The following RNPS1 variants were observed in gnomAD, a reference collection of about 807,000 sequenced individuals.
RNPS1 encodes the protein RNA binding protein with serine rich domain 1, also known as RNA-binding protein with serine-rich domain 1.
For synonymous variants in RNPS1, 147 were observed against 150.0 expected (o/e 0.98, Z 0.15); for missense variants, 300 against 427.6 (o/e 0.70, Z 2.63).
chr16:2,264,939 C>T lies in RNPS1; in HGVS notation c.-117-179G>A, dbSNP rs60730612. The stretch of plus-strand genomic sequence containing the variant: ...TGTGCTCCTGGAGGCGTCTCTACCC[C>T]GCAGAGGAGGCACAGGTACAACTGT... On this transcript the variant is annotated intron_variant, in intron 1 of 7. Transcript: ENST00000320225. The T allele has an allele frequency of 9.0e-3, 3,073 of 343,178 alleles. 101 individuals are homozygous for T. Among genetic ancestry groups the T allele is most frequent in the African/African-American group, 0.06 (2,855 of 47,246 alleles). The allele number at this position is 343,178 out of a possible 1,614,324, so 21.3% of individuals were successfully genotyped here.
At chr16:2,264,373 C>T (rs917684274) in intron 2 of RNPS1, 42 bp from the exon 3 acceptor site, 6 of 1,612,970 alleles carry the variant, frequency 3.7e-6, no homozygotes, top group South Asian at 1.1e-5. Context: ...GCTCCTCTGA[C>T]CAAACCCAAA....
At chr16:2,263,333 C>T (rs765281069) in intron 3 of RNPS1, 46 bp from the exon 4 acceptor site, 1 of 1,594,026 alleles carries the variant, frequency 6.3e-7, no homozygotes, top group East Asian at 2.2e-5. Flanking sequence ...CCAAGTCTCA[C>T]AGTACAGACG....
chr16:2,259,883 C>T (rs912560036), intron 6 of RNPS1, among the ~76,000 whole-genome samples: 8 of 151,894 alleles, frequency 5.3e-5, no homozygotes, highest in South Asian at 2.1e-4. Flanking sequence ...AGCGAGACTC[C>T]GTCTCAAAAA....
chr16:2,263,921 G>T, intron 3 of RNPS1: 1 of 349,090 alleles, frequency 2.9e-6, no homozygotes, highest in Non-Finnish European at 5.1e-6. Flanking sequence ...GTAGAGACGA[G>T]CTCTTGTTTT....
In RNPS1 at chr16:2,254,035, C is replaced by T. The variant is rs537965620; in HGVS notation, c.847G>A (p.Val283Met). The change falls in exon 8 of 8, where the codon GTG becomes ATG. Residue 283 changes from valine to methionine, a missense_variant. By Grantham distance (21) the Val-to-Met change is conservative (BLOSUM62 1). Coordinates refer to ENST00000320225, the MANE Select transcript of RNPS1 (RefSeq NM_080594.4). Reference sequence around the variant, plus strand: ...CCCGGGGACCGTGATCTCCGGCGCACGGGGGACCTGCGCCTCGGGGAGCGG... The same window carrying T: ...CCCGGGGACCGTGATCTCCGGCGCATGGGGGACCTGCGCCTCGGGGAGCGG... ...RSRSPRRRSP[V>M]RRRSRSPGRR... is the part of the protein sequence containing the mutation. 5.5e-5 allele frequency: 82 copies of T among 1,504,288 alleles called. No homozygotes were observed. The South Asian group carries it at 6.8e-4, about 12-fold the overall frequency. The allele number at this position is 1,504,288 out of a possible 1,614,324, so 93.2% of individuals were successfully genotyped here. A position where few individuals can be genotyped will look rare whatever the true frequency, so the allele number is the denominator to read the frequency against.
In RNPS1 at chr16:2,255,738, GAC is replaced by G; in HGVS notation, c.677-14_677-13del. ...GCCATCAATTTGTCCTGTTGAAAAA[GAC>G]AGCAAGTCATAAAATATCTAACAAG... is the stretch of plus-strand genomic sequence containing the variant. On this transcript the variant is annotated splice_polypyrimidine_tract_variant and intron_variant, in intron 6 of 7. Coordinates refer to ENST00000320225, the MANE Select transcript of RNPS1 (RefSeq NM_080594.4). 1 of 1,613,286 alleles carries G rather than the reference GAC, an allele frequency of 6.2e-7. No homozygotes were observed. Among genetic ancestry groups the G allele is most frequent in the Non-Finnish European group, 8.5e-7 (1 of 1,179,768 alleles).
At chr16:2,262,153 G>A in intron 6 of RNPS1, 125 bp downstream of exon 6, 2 of 995,320 alleles carry the variant, frequency 2.0e-6, no homozygotes, top group South Asian at 3.4e-5. Context: ...CCCAGCCTGG[G>A]CAACAAGTGT....
At chr16:2,254,228 AGG>A (rs2093566216) in intron 7 of RNPS1, among the ~76,000 whole-genome samples, 165 bp from the exon 8 acceptor site, 1 of 152,120 alleles carries the variant, frequency 6.6e-6, no homozygotes, top group Non-Finnish European at 1.5e-5. Context: ...CTCTGCCTCC[AGG>A]GTTCAAGCGA....
intron 6 of RNPS1, chr16:2,256,042 G>C (rs973100081): frequency 6.4e-6 from 2 of 310,610 alleles, no homozygotes; most frequent in Non-Finnish European, 1.2e-5. Context: ...GGAGAATGGC[G>C]TGAACCCGGG....
At position 2,267,387 on chromosome 16, in the gene RNPS1, T is replaced by G. The variant is rs186646242; in HGVS notation, c.-118+668A>C. The G allele has an allele frequency of 6.1e-6, 6 of 984,256 alleles. No individual in the cohort carries two copies. The East Asian group carries it at 6.8e-4, about 112-fold the overall frequency. The allele number at this position is 984,256 out of a possible 1,614,324, so 61.0% of individuals were successfully genotyped here. A position where few individuals can be genotyped will look rare whatever the true frequency, so the allele number is the denominator to read the frequency against. ...CAAAAAGCCTACTCCACGTTTCTCC[T>G]CCAACAAACTTAACCTTCCCGTATC... On this transcript the variant is annotated intron_variant, in intron 1 of 7. Coordinates refer to ENST00000320225, the MANE Select transcript of RNPS1 (RefSeq NM_080594.4).
At position 2,268,069 on chromosome 16, in the gene RNPS1, G is replaced by A. The variant is rs187480317; in HGVS notation, c.-132C>T. On this transcript the variant is annotated 5_prime_UTR_variant, in exon 1 of 8. Coordinates refer to ENST00000320225, the MANE Select transcript of RNPS1 (RefSeq NM_080594.4). ...CCCCAACTTACATCTTCCCGCCGCC[G>A]CCACCTCCTCCTGCTTTCCTCAGCC... 8.5e-6 allele frequency: 13 copies of A among 1,535,172 alleles called. No individual in the cohort carries two copies. The highest frequency in any genetic ancestry group is 2.7e-5 in the African/African-American group (2 of 73,130).
intron 7 of RNPS1, among the ~76,000 whole-genome samples, chr16:2,254,936 G>C (rs149398969): frequency 6.6e-6 from 1 of 151,624 alleles, no homozygotes; most frequent in African/African-American, 2.4e-5. Flanking sequence ...TAGAGACAAG[G>C]TTTCACTGTA....
At chr16:2,256,618 T>G (rs895982311) in intron 6 of RNPS1, 1 of 152,062 alleles carries the variant, frequency 6.6e-6, no homozygotes, top group Non-Finnish European at 1.5e-5. Context: ...AGAAGGGCTA[T>G]GCTGGGCCCT....
intron 6 of RNPS1, chr16:2,256,201 G>C (rs1360625578): frequency 5.6e-6 from 1 of 178,186 alleles, no homozygotes; most frequent in Non-Finnish European, 1.2e-5. Flanking sequence ...AAACTAACAG[G>C]ACACACCAAT....
chr16:2,255,821 C>A (rs1470352107), intron 6 of RNPS1, 95 bp from the exon 7 acceptor site: 3 of 1,346,486 alleles, frequency 2.2e-6, no homozygotes, highest in Non-Finnish European at 3.1e-6. Flanking sequence ...GGGACAATGA[C>A]AATGTAAGAT....
chr16:2,266,331 A>G (rs905652124), intron 1 of RNPS1: 1 of 985,278 alleles, frequency 1.0e-6, no homozygotes, highest in African/African-American at 1.7e-5. Flanking sequence ...TTAGAACAGT[A>G]AGGTTCTGCA....
intron 4 of RNPS1, 119 bp from the exon 5 acceptor site, chr16:2,262,961 AGT>A: frequency 2.3e-6 from 3 of 1,291,816 alleles, no homozygotes; most frequent in Non-Finnish European, 2.2e-6. Context: ...CTTTCCTGCT[AGT>A]TCACATACAT....
intron 6 of RNPS1, chr16:2,256,874 A>G (rs1164454817): frequency 1.3e-5 from 2 of 152,312 alleles, no homozygotes; most frequent in Non-Finnish European, 2.9e-5. Flanking sequence ...ATGATTTGGC[A>G]GGGAAACGGA....
At chr16:2,255,125 C>A (rs1165894882) in intron 7 of RNPS1, among the ~76,000 whole-genome samples, 2 of 152,196 alleles carry the variant, frequency 1.3e-5, no homozygotes, top group African/African-American at 4.8e-5. Flanking sequence ...TTGTGAGACC[C>A]AAGGCAGAAG....
Sources: allele counts gnomAD v4.1 joint callset (sites outside exome capture counted in the v4.1 genomes callset), GRCh38; gene constraint gnomAD v4.1.1; transcripts MANE v1.5; gene names NCBI Gene and HGNC (gene_info 2026-07-23, HGNC 2026-07-21).